Variants in DUX4 observed in about 807,000 individuals in gnomAD.
DUX4 encodes the protein double homeobox protein 4.
In DUX4 at chr4:190,175,823, C is replaced by G. The variant is rs1206747030; in HGVS notation, c.*413C>G. On this transcript the variant is annotated 3_prime_UTR_variant, in exon 2 of 2. Coordinates refer to ENST00000565211, the MANE Select transcript of DUX4 (RefSeq NM_001306068.3). ...ATTAGTTCAGAGATATATTAAAATG[C>G]CCCCTCCCTGTGGATCCTATAGAAG... The G allele has an allele frequency of 8.1e-5, 12 of 148,372 alleles. 4 individuals are homozygous for G. In the Admixed American group the frequency reaches 1.1e-3, roughly 14 times the overall value. 9.2% of individuals were successfully genotyped at this position (148,372 alleles called of 1,614,324 possible). A position where few individuals can be genotyped will look rare whatever the true frequency, so the allele number is the denominator to read the frequency against.
At chr4:190,183,118 T>C (rs1195515588) in intron 1 of DUX4, 1 of 48,210 alleles carries the variant, frequency 2.1e-5, no homozygotes, top group Non-Finnish European at 6.4e-5. Context: ...GGTTAGGTTT[T>C]AGGGTTAAGG....
At chr4:190,181,590 TACA>T (rs1742584503) in intron 1 of DUX4, among the ~76,000 whole-genome samples, 1 of 133,080 alleles carries the variant, frequency 7.5e-6, no homozygotes. Context: ...AGTCAAGCGT[TACA>T]TCACCTGGGT....
chr4:190,179,854 CCT>C (rs2126579772), downstream of DUX4, among the ~76,000 whole-genome samples: 1 of 152,160 alleles, frequency 6.6e-6, no homozygotes. Flanking sequence ...CACAATACCC[CCT>C]GTAAGCAGAG....
chr4:190,181,259 G>GGGGGATCA (rs1742558944), intron 1 of DUX4, among the ~76,000 whole-genome samples: 3 of 148,464 alleles, frequency 2.0e-5, no homozygotes, highest in African/African-American at 4.9e-5. Flanking sequence ...TCTGTCACCT[G>GGGGGATCA]GGTGATCAGT....
downstream of DUX4, among the ~76,000 whole-genome samples, chr4:190,180,051 CATTGCCCCCA>C (rs1742527798): frequency 7.3e-6 from 1 of 136,098 alleles, no homozygotes; most frequent in Non-Finnish European, 1.6e-5. Context: ...AGATATGTCA[CATTGCCCCCA>C]TAGGCGAATC....
downstream of DUX4, among the ~76,000 whole-genome samples, chr4:190,176,898 C>A (rs1742328158): frequency 7.7e-6 from 1 of 130,566 alleles, no homozygotes; most frequent in African/African-American, 2.5e-5. Flanking sequence ...GTGATCAGTG[C>A]AGTGATATGT....
At chr4:190,178,573 G>GTGATTATAAA (rs1742434458), downstream of DUX4, among the ~76,000 whole-genome samples, 12 of 147,944 alleles carry the variant, frequency 8.1e-5, no homozygotes, top group Non-Finnish European at 1.5e-4. Flanking sequence ...CCTGTAGGCA[G>GTGATTATAAA]AGGGTAGACA....
downstream of DUX4, among the ~76,000 whole-genome samples, chr4:190,178,274 A>AAGTCACAATGTCCCC (rs1579833976): frequency 7.6e-6 from 1 of 131,352 alleles, no homozygotes; most frequent in Non-Finnish European, 1.7e-5. Flanking sequence ...GTGTAGAGAT[A>AAGTCACAATGTCCCC]TGTCACAATG....
At chr4:190,182,220 C>CAGGGTGAGGGTGAGGGTG (rs1742606637) in intron 1 of DUX4, 2 of 44,694 alleles carry the variant, frequency 4.5e-5, no homozygotes, top group African/African-American at 6.6e-5. Context: ...GGGTGAGGGT[C>CAGGGTGAGGGTGAGGGTG]AGGGTGAGGG....
In DUX4 at chr4:190,183,321, A is replaced by T. The variant is rs1742626106; in HGVS notation, n.93-2020A>T. The T allele has an allele frequency of 1.8e-5, 2 of 108,932 alleles. 1 individual carries two copies. Among genetic ancestry groups the T allele is most frequent in the Non-Finnish European group, 4.3e-5 (2 of 46,534 alleles). The allele number at this position is 108,932 out of a possible 1,614,324, so 6.7% of individuals were successfully genotyped here. A position where few individuals can be genotyped will look rare whatever the true frequency, so the allele number is the denominator to read the frequency against. The stretch of plus-strand genomic sequence containing the variant: ...ATGGAAAGGTAGTGTGTTCCTGCTA[A>T]ATCATGGACAAAACGGGTCCCCAGG... On this transcript the variant is annotated intron_variant and non_coding_transcript_variant, in intron 1 of 2. Transcript: ENST00000563716.
At chr4:190,182,375 G>A (rs1268678426) in intron 1 of DUX4, among the ~76,000 whole-genome samples, 3,685 of 61,010 alleles carry the variant, frequency 0.06, 37 homozygotes, top group East Asian at 0.24. Flanking sequence ...TAAGAGTTAG[G>A]GTTAGGGTTA....
chr4:190,178,490 A>G (rs1742428408), downstream of DUX4, among the ~76,000 whole-genome samples: 1,011 of 111,960 alleles, frequency 9.0e-3, 3 homozygotes, highest in East Asian at 0.017. Context: ...ATTTCACAAT[A>G]CCCCCTGTAG....
downstream of DUX4, among the ~76,000 whole-genome samples, chr4:190,176,692 T>G (rs1362141137): frequency 3.7e-5 from 4 of 109,070 alleles, no homozygotes; most frequent in South Asian, 3.3e-4. Context: ...GTTGATCAGT[T>G]CAGAGATGTG....
At chr4:190,176,089 C>G (rs1228045316), downstream of DUX4, among the ~76,000 whole-genome samples, 2,631 of 111,450 alleles carry the variant, frequency 0.024, 407 homozygotes, top group African/African-American at 0.056. Context: ...AGGGATAAGT[C>G]ATAAAGCCTC....
chr4:190,176,166 C>T (rs1352544557), downstream of DUX4, among the ~76,000 whole-genome samples: 1 of 112,426 alleles, frequency 8.9e-6, no homozygotes, highest in South Asian at 3.2e-4. Flanking sequence ...CTCACAAAGC[C>T]CCTATAAGCC....
At chr4:190,177,146 A>G (rs1742344753), downstream of DUX4, among the ~76,000 whole-genome samples, 3 of 152,080 alleles carry the variant, frequency 2.0e-5, no homozygotes, top group Admixed American at 6.6e-5. Flanking sequence ...AGAGTGGACA[A>G]GAGTTACATC....
downstream of DUX4, among the ~76,000 whole-genome samples, chr4:190,176,373 C>T (rs1415668512): frequency 1.8e-5 from 2 of 110,612 alleles, no homozygotes; most frequent in Non-Finnish European, 4.2e-5. Flanking sequence ...CAAAACGCTC[C>T]TGTAGTCTGA....
chr4:190,178,673 C>CCCTGCAGAGATATGTCACA (rs1742441582), downstream of DUX4, among the ~76,000 whole-genome samples: 1 of 144,358 alleles, frequency 6.9e-6, no homozygotes, highest in African/African-American at 2.5e-5. Flanking sequence ...CCTAAGTGAT[C>CCCTGCAGAGATATGTCACA]AGTGCAGAGA....
chr4:190,177,096 G>C (rs1742341364), downstream of DUX4, among the ~76,000 whole-genome samples: 2 of 142,168 alleles, frequency 1.4e-5, no homozygotes, highest in African/African-American at 5.1e-5. Context: ...TCACCTGGGT[G>C]ATCAGTGCAG....
Sources: allele counts gnomAD v4.1 joint callset (sites outside exome capture counted in the v4.1 genomes callset), GRCh38; gene constraint gnomAD v4.1.1; transcripts MANE v1.5; gene names NCBI Gene and HGNC (gene_info 2026-07-23, HGNC 2026-07-21).